ACBD5: variants seen among roughly 807,000 people sequenced by gnomAD.
ACBD5 encodes the protein acyl-CoA-binding domain-containing protein 5.
A neutral mutation model predicts 71.8 loss-of-function variants in ACBD5; 40 were observed. That is an observed-to-expected ratio of 0.56 (90% CI 0.43 to 0.72). The LOEUF (loss-of-function observed/expected upper bound fraction) is 0.72. Ranked by LOEUF, ACBD5 falls within the 30% of genes least tolerant of loss-of-function variation. The pLI is 0.00. For missense variants in ACBD5, 559 were observed against 644.5 expected (o/e 0.87, Z 1.44); for synonymous variants, 229 against 218.6 (o/e 1.05, Z -0.42).
upstream of ACBD5, among the ~76,000 whole-genome samples, chr10:27,241,641 G>T (rs575633020): frequency 6.6e-6 from 1 of 150,380 alleles, no homozygotes; most frequent in East Asian, 2.0e-4. Flanking sequence ...GTCGAGTGGG[G>T]AGGATTGCTT....
intron 2 of ACBD5, among the ~76,000 whole-genome samples, chr10:27,239,036 A>G (rs1271819536): frequency 1.3e-5 from 2 of 152,122 alleles, no homozygotes; most frequent in African/African-American, 4.8e-5. Context: ...CGTCTCTACT[A>G]AAAATACAAA....
chr10:27,225,935 C>T (rs1033687007), intron 4 of ACBD5, among the ~76,000 whole-genome samples: 2 of 151,986 alleles, frequency 1.3e-5, no homozygotes, highest in African/African-American at 4.8e-5. Context: ...ATTTTTAAGG[C>T]TACTAAATTC....
chr10:27,204,635 G>T lies in ACBD5; in HGVS notation c.1456-86C>A, dbSNP rs556198038. On this transcript the variant is annotated intron_variant, in intron 11 of 12. Coordinates refer to ENST00000396271, the MANE Select transcript of ACBD5 (RefSeq NM_145698.5). ...ACATACCTAATTCATAATTTTGAAAGTAGAAAAGAAAATTAGTAACAAATC... is the reference window on the plus strand; with the variant it reads ...ACATACCTAATTCATAATTTTGAAATTAGAAAAGAAAATTAGTAACAAATC... 6 of 945,258 alleles carry T rather than the reference G, an allele frequency of 6.3e-6. No homozygotes were observed. The Admixed American group carries it at 1.0e-4, about 16-fold the overall frequency. 58.6% of individuals were successfully genotyped at this position (945,258 alleles called of 1,614,324 possible).
At chr10:27,232,524 C>T (rs1564709621) in intron 3 of ACBD5, among the ~76,000 whole-genome samples, 1 of 152,010 alleles carries the variant, frequency 6.6e-6, no homozygotes, top group Non-Finnish European at 1.5e-5. Context: ...GATGGAGTTT[C>T]ACCATGTTGG....
At chr10:27,209,937 A>G (rs2060885567) in intron 9 of ACBD5, among the ~76,000 whole-genome samples, 2 of 152,336 alleles carry the variant, frequency 1.3e-5, no homozygotes, top group African/African-American at 4.8e-5. Flanking sequence ...TTTTTCTGTT[A>G]CAAACAAAAT....
At chr10:27,204,867 C>T (rs534087918) in intron 11 of ACBD5, among the ~76,000 whole-genome samples, 1 of 152,290 alleles carries the variant, frequency 6.6e-6, no homozygotes, top group South Asian at 2.1e-4. Context: ...GTGGCTCACA[C>T]CTGTAATCCC....
At chr10:27,203,984 C>T (rs1311229821) in intron 12 of ACBD5, among the ~76,000 whole-genome samples, 1 of 151,110 alleles carries the variant, frequency 6.6e-6, no homozygotes, top group Non-Finnish European at 1.5e-5. Context: ...GCATATAAAC[C>T]GCACCCAGTG....
intron 9 of ACBD5, 137 bp from the exon 10 acceptor site, chr10:27,208,582 A>G (rs1377127326): frequency 1.7e-5 from 18 of 1,043,092 alleles, no homozygotes; most frequent in Non-Finnish European, 2.1e-5. Context: ...TCACACCTGT[A>G]ATCCCAGCAC....
chr10:27,202,482 G>C (rs1034399820), intron 12 of ACBD5, among the ~76,000 whole-genome samples: 1 of 152,130 alleles, frequency 6.6e-6, no homozygotes, highest in African/African-American at 2.4e-5. Context: ...GGATATTTAG[G>C]AGAAATAGTG....
intron 4 of ACBD5, among the ~76,000 whole-genome samples, chr10:27,226,580 G>C (rs755731931): frequency 1.3e-5 from 2 of 151,250 alleles, no homozygotes; most frequent in African/African-American, 4.9e-5. Flanking sequence ...TGCAGTCCTC[G>C]GGCAGCATGT....
chr10:27,223,136 G>T, intron 5 of ACBD5: 2 of 709,698 alleles, frequency 2.8e-6, no homozygotes, highest in Non-Finnish European at 5.2e-6. Flanking sequence ...TGTAAGTTCT[G>T]TAAGTTTGTG....
Position 27,196,979 on chromosome 10 carries a change from A to G in ACBD5, c.*451T>C, listed in dbSNP as rs763722858. 14 of 453,822 alleles carry G rather than the reference A, an allele frequency of 3.1e-5. 1 individual carries two copies. Among genetic ancestry groups the G allele is most frequent in the South Asian group, 2.0e-4 (13 of 64,248 alleles). 28.1% of individuals were successfully genotyped at this position (453,822 alleles called of 1,614,324 possible). A position where few individuals can be genotyped will look rare whatever the true frequency, so the allele number is the denominator to read the frequency against. ...GTGACTAAGATATAAAGTCGATTAC[A>G]TCTCATTTGAAATTCACTCCTGGTT... On this transcript the variant is annotated 3_prime_UTR_variant, in exon 13 of 13. Coordinates refer to ENST00000396271, the MANE Select transcript of ACBD5 (RefSeq NM_145698.5).
chr10:27,221,946 A>C (rs1459568405), intron 5 of ACBD5, among the ~76,000 whole-genome samples: 1 of 151,180 alleles, frequency 6.6e-6, no homozygotes, highest in African/African-American at 2.4e-5. Flanking sequence ...AAAAGAAAAG[A>C]AGAAAACATT....
intron 4 of ACBD5, among the ~76,000 whole-genome samples, chr10:27,231,410 G>T (rs912088185): frequency 6.6e-6 from 1 of 152,118 alleles, no homozygotes; most frequent in African/African-American, 2.4e-5. Context: ...CCAGCTACTC[G>T]GGAGGCTGTG....
At chr10:27,199,032 C>T (rs547843835) in intron 12 of ACBD5, among the ~76,000 whole-genome samples, 1 of 151,932 alleles carries the variant, frequency 6.6e-6, no homozygotes, top group Admixed American at 6.6e-5. Flanking sequence ...TCGCTTGAAC[C>T]TGGGAGGCGG....
At chr10:27,211,807 C>T (rs148110431) in intron 8 of ACBD5, among the ~76,000 whole-genome samples, 2 of 152,168 alleles carry the variant, frequency 1.3e-5, no homozygotes, top group Non-Finnish European at 2.9e-5. Context: ...CCTAAGACAT[C>T]GATGGATGAC....
chr10:27,215,421 G>T, intron 8 of ACBD5, 114 bp downstream of exon 8: 1 of 722,336 alleles, frequency 1.4e-6, no homozygotes, highest in East Asian at 2.8e-5. Context: ...AAACATTTTA[G>T]GAGTATCTTT....
At chr10:27,199,353 G>C (rs980908032) in intron 12 of ACBD5, among the ~76,000 whole-genome samples, 1 of 151,818 alleles carries the variant, frequency 6.6e-6, no homozygotes, top group Non-Finnish European at 1.5e-5. Flanking sequence ...ACCGTGCCCA[G>C]CCTGAACTCC....
intron 4 of ACBD5, among the ~76,000 whole-genome samples, chr10:27,228,791 TTATATATA>T (rs1169917244): frequency 1.9e-3 from 43 of 22,124 alleles, no homozygotes; most frequent in African/African-American, 3.4e-3. Context: ...CCTATTATGT[TTATATATA>T]TATATATATA....
Sources: allele counts gnomAD v4.1 joint callset (sites outside exome capture counted in the v4.1 genomes callset), GRCh38; gene constraint gnomAD v4.1.1; transcripts MANE v1.5; gene names NCBI Gene and HGNC (gene_info 2026-07-23, HGNC 2026-07-21).